PPP2R3A: variants seen among roughly 807,000 people sequenced by gnomAD.
PPP2R3A encodes the protein serine/threonine-protein phosphatase 2A regulatory subunit B'' subunit alpha.
Under a neutral mutation model 106.9 loss-of-function variants are expected in PPP2R3A, and 80 were observed. The ratio of observed to expected loss-of-function variants is 0.75; its 90% confidence interval spans 0.62 to 0.90. The LOEUF (loss-of-function observed/expected upper bound fraction) is 0.90. PPP2R3A is among the 40% of genes least tolerant of loss of function. The probability of loss-of-function intolerance (pLI) is 0.00; values close to 1 mark genes in which losing one functional copy is unlikely to be tolerated. For synonymous variants in PPP2R3A, 483 were observed against 468.3 expected (o/e 1.03, Z -0.41); for missense variants, 1,386 against 1,350.4 (o/e 1.03, Z -0.41).
chr3:136,095,809 T>C (rs899482310), intron 10 of PPP2R3A, among the ~76,000 whole-genome samples: 1 of 152,210 alleles, frequency 6.6e-6, no homozygotes, highest in Non-Finnish European at 1.5e-5. Context: ...GTGGTTCACA[T>C]TGCTTTACTA....
chr3:136,042,759 G>A (rs548844354), intron 4 of PPP2R3A, among the ~76,000 whole-genome samples: 1 of 152,140 alleles, frequency 6.6e-6, no homozygotes, highest in African/African-American at 2.4e-5. Context: ...AGATAAGTGT[G>A]TCTCTAAATT....
intron 5 of PPP2R3A, among the ~76,000 whole-genome samples, chr3:136,064,356 A>G (rs922934030): frequency 4.0e-5 from 6 of 151,812 alleles, no homozygotes; most frequent in Admixed American, 3.9e-4. Context: ...AGCATGGCAC[A>G]TGTATACATA....
chr3:135,972,063 G>A (rs768681913), intron 1 of PPP2R3A, among the ~76,000 whole-genome samples: 1 of 152,064 alleles, frequency 6.6e-6, no homozygotes, highest in African/African-American at 2.4e-5. Flanking sequence ...AGCCATCACC[G>A]CTAATTCTGG....
intron 13 of PPP2R3A, among the ~76,000 whole-genome samples, chr3:136,116,898 T>A (rs1937784524): frequency 6.6e-6 from 1 of 152,322 alleles, no homozygotes; most frequent in Non-Finnish European, 1.5e-5. Context: ...CTAAGCAACA[T>A]CTACGGAACT....
At chr3:135,989,036 A>G (rs930877494) in intron 1 of PPP2R3A, among the ~76,000 whole-genome samples, 1 of 151,120 alleles carries the variant, frequency 6.6e-6, no homozygotes, top group Non-Finnish European at 1.5e-5. Context: ...GGTGAATGCT[A>G]TTTTTTTTTA....
intron 1 of PPP2R3A, among the ~76,000 whole-genome samples, chr3:135,973,113 T>C (rs144349040): frequency 6.6e-6 from 1 of 152,196 alleles, no homozygotes; most frequent in Non-Finnish European, 1.5e-5. Context: ...TTAATTATTG[T>C]ATGTGAGGTA....
At chr3:136,044,461 G>A (rs1935401242) in intron 4 of PPP2R3A, among the ~76,000 whole-genome samples, 2 of 149,412 alleles carry the variant, frequency 1.3e-5, no homozygotes, top group South Asian at 4.3e-4. Context: ...GCTTGCACCT[G>A]TAATCCTAGC....
At chr3:136,091,375 G>A (rs1937091364) in intron 10 of PPP2R3A, among the ~76,000 whole-genome samples, 1 of 152,162 alleles carries the variant, frequency 6.6e-6, no homozygotes, top group Non-Finnish European at 1.5e-5. Flanking sequence ...AGAACTTTGG[G>A]AAGCCAAGGC....
Position 136,147,473 on chromosome 3 carries a change from T to C in PPP2R3A, c.*2307T>C, listed in dbSNP as rs1274700428. 6.6e-6 allele frequency: 1 copy of C among 152,666 alleles called. No homozygotes were observed. Among genetic ancestry groups the C allele is most frequent in the African/African-American group, 2.4e-5 (1 of 41,446 alleles). The allele number at this position is 152,666 out of a possible 1,614,324, so 9.5% of individuals were successfully genotyped here. On this transcript the variant is annotated 3_prime_UTR_variant, in exon 14 of 14. Transcript: ENST00000264977. ...TTTTCAGGAATTATAAGAATGTGTT[T>C]TATTGTACTCCTTCCTTGGAGCTGA...
intron 1 of PPP2R3A, among the ~76,000 whole-genome samples, chr3:135,995,149 A>G (rs1933334441): frequency 6.6e-6 from 1 of 152,220 alleles, no homozygotes; most frequent in African/African-American, 2.4e-5. Flanking sequence ...TGAAAGGACC[A>G]GCAGAGACCA....
intron 8 of PPP2R3A, among the ~76,000 whole-genome samples, chr3:136,083,543 A>G (rs190920538): frequency 6.6e-5 from 10 of 152,322 alleles, no homozygotes; most frequent in South Asian, 2.1e-4. Flanking sequence ...GTATGTCTTT[A>G]CTAGCAGCAT....
intron 4 of PPP2R3A, 79 bp from the exon 5 acceptor site, chr3:136,049,180 T>G: frequency 9.3e-7 from 1 of 1,076,538 alleles, no homozygotes; most frequent in Non-Finnish European, 1.4e-6. Flanking sequence ...CAGATCAAAC[T>G]GAAATTACTA....
intron 1 of PPP2R3A, among the ~76,000 whole-genome samples, chr3:135,990,510 C>T (rs1933114347): frequency 6.6e-6 from 1 of 152,088 alleles, no homozygotes. Context: ...CTGTAATGCC[C>T]TGAACATTTG....
chr3:136,089,047 T>C (rs1937028367), intron 9 of PPP2R3A, among the ~76,000 whole-genome samples: 1 of 152,144 alleles, frequency 6.6e-6, no homozygotes, highest in Non-Finnish European at 1.5e-5. Context: ...GTTAAATCTG[T>C]TGATAGTTTC....
intron 13 of PPP2R3A, among the ~76,000 whole-genome samples, chr3:136,137,005 T>C (rs570738859): frequency 6.6e-6 from 1 of 152,278 alleles, no homozygotes; most frequent in East Asian, 1.9e-4. Flanking sequence ...TTATATAAAC[T>C]CAACCCTCGT....
intron 1 of PPP2R3A, among the ~76,000 whole-genome samples, chr3:135,998,209 C>T (rs983088886): frequency 3.3e-5 from 5 of 152,210 alleles, no homozygotes; most frequent in African/African-American, 4.8e-5. Context: ...TTTCCCTCTA[C>T]CTGGAGTATT....
In PPP2R3A at chr3:136,002,826, A is replaced by G; in HGVS notation, c.1328A>G (p.Lys443Arg). The change falls in exon 2 of 14, where the codon AAG becomes AGG. Residue 443 changes from lysine to arginine, a missense_variant. Physicochemically the swap from Lys to Arg is conservative, Grantham distance 26. Coordinates refer to ENST00000264977, the MANE Select transcript of PPP2R3A (RefSeq NM_002718.5). ...TENGPSHELL[K>R]VNEHRAEFPE... ...AATGGACCTAGTCATGAGTTATTAAAGGTAAATGAACATAGAGCAGAATTT... is the reference window on the plus strand; with the variant it reads ...AATGGACCTAGTCATGAGTTATTAAGGGTAAATGAACATAGAGCAGAATTT... 6.2e-7 allele frequency: 1 copy of G among 1,614,084 alleles called. No individual in the cohort carries two copies.
At chr3:136,042,781 T>G (rs1935331509) in intron 4 of PPP2R3A, among the ~76,000 whole-genome samples, 1 of 152,154 alleles carries the variant, frequency 6.6e-6, no homozygotes, top group South Asian at 2.1e-4. Context: ...AAGTGTTATT[T>G]TACAGTCAGA....
At chr3:135,996,371 T>A (rs1933397121) in intron 1 of PPP2R3A, among the ~76,000 whole-genome samples, 1 of 152,202 alleles carries the variant, frequency 6.6e-6, no homozygotes, top group South Asian at 2.1e-4. Flanking sequence ...GTCTTCACAT[T>A]TTTTTGCTTA....
Sources: gnomAD v4.1 joint callset for allele counts (sites outside exome capture counted in the v4.1 genomes callset) on GRCh38, gnomAD v4.1.1 for gene constraint, MANE v1.5 for transcripts, NCBI Gene and HGNC (gene_info 2026-07-23, HGNC 2026-07-21) for gene names.